The following SLC9A9 variants were observed in gnomAD, a reference collection of about 807,000 sequenced individuals.
SLC9A9 encodes the protein solute carrier family 9 member A9.
A neutral mutation model predicts 77.8 loss-of-function variants in SLC9A9; 62 were observed. The ratio of observed to expected loss-of-function variants is 0.80; its 90% CI spans 0.65 to 0.98. SLC9A9 has a LOEUF of 0.98. SLC9A9 is among the 50% of genes least tolerant of loss of function. The pLI, the probability that SLC9A9 is intolerant of heterozygous loss-of-function variation, is 0.00. For missense variants in SLC9A9, 775 were observed against 774.9 expected (o/e 1.00, Z 0.00); for synonymous variants, 320 against 283.5 (o/e 1.13, Z -1.29).
Position 143,783,229 on chromosome 3 carries a change from T to C in SLC9A9, c.533+11772A>G, listed in dbSNP as rs577991813. Among the ~76,000 whole-genome samples the C allele has an allele frequency of 1.4e-4, 22 of 152,200 alleles. No homozygotes were observed. In the Middle Eastern group the frequency reaches 0.01, roughly 71 times the overall value. On this transcript the variant is annotated intron_variant, in intron 4 of 15. Transcript: ENST00000316549. ...CAAACTGCAGAACACAGGTCTCAAGTACTGAGCTGTCATTGCCCTCCATTC... is the reference window on the plus strand; with the variant it reads ...CAAACTGCAGAACACAGGTCTCAAGCACTGAGCTGTCATTGCCCTCCATTC...
chr3:143,350,468 C>T (rs1330683995), intron 14 of SLC9A9, among the ~76,000 whole-genome samples: 1 of 152,180 alleles, frequency 6.6e-6, no homozygotes, highest in Non-Finnish European at 1.5e-5. Flanking sequence ...TCCGTGAACA[C>T]ATCTTGTTAG....
intron 14 of SLC9A9, among the ~76,000 whole-genome samples, chr3:143,270,957 A>G (rs1227686130): frequency 6.6e-6 from 1 of 152,234 alleles, no homozygotes; most frequent in Non-Finnish European, 1.5e-5. Flanking sequence ...TCCAGAAATA[A>G]TTCACAAGTT....
At chr3:143,700,761 T>C (rs1331202661) in intron 4 of SLC9A9, among the ~76,000 whole-genome samples, 2 of 152,228 alleles carry the variant, frequency 1.3e-5, no homozygotes, top group African/African-American at 2.4e-5. Context: ...AAGGGAAGGA[T>C]ACAAGACTGG....
chr3:143,760,911 T>G (rs2007098785), intron 4 of SLC9A9, among the ~76,000 whole-genome samples: 1 of 152,274 alleles, frequency 6.6e-6, no homozygotes, highest in African/African-American at 2.4e-5. Context: ...AGAACAAAGC[T>G]GGAGGCATCA....
chr3:143,292,867 G>C (rs997444965), intron 14 of SLC9A9, among the ~76,000 whole-genome samples: 6 of 152,184 alleles, frequency 3.9e-5, no homozygotes, highest in Non-Finnish European at 7.4e-5. Flanking sequence ...TGTTCTGGCT[G>C]TAGCGTAGGT....
intron 9 of SLC9A9, among the ~76,000 whole-genome samples, chr3:143,497,243 A>C (rs771129207): frequency 6.6e-6 from 1 of 152,282 alleles, no homozygotes; most frequent in Non-Finnish European, 1.5e-5. Context: ...ATTTTACCCT[A>C]GAGTGAACAT....
chr3:143,368,214 T>G (rs1350480419), intron 13 of SLC9A9, among the ~76,000 whole-genome samples: 1 of 152,166 alleles, frequency 6.6e-6, no homozygotes, highest in Non-Finnish European at 1.5e-5. Flanking sequence ...TAGTTTTCTT[T>G]TAGGTGATCC....
chr3:143,704,377 G>C (rs901492129), intron 4 of SLC9A9, among the ~76,000 whole-genome samples: 6 of 152,126 alleles, frequency 3.9e-5, no homozygotes, highest in Admixed American at 3.9e-4. Context: ...CATTCATCAT[G>C]ACGAAGTGGA....
intron 2 of SLC9A9, among the ~76,000 whole-genome samples, chr3:143,827,493 T>A (rs1409378813): frequency 6.6e-6 from 1 of 152,222 alleles, no homozygotes; most frequent in Non-Finnish European, 1.5e-5. Flanking sequence ...GAAATTTTTA[T>A]ATGTTTAAAC....
At chr3:143,666,738 C>T (rs1165980855) in intron 5 of SLC9A9, among the ~76,000 whole-genome samples, 1 of 152,158 alleles carries the variant, frequency 6.6e-6, no homozygotes, top group Non-Finnish European at 1.5e-5. Flanking sequence ...ACAACTGCTT[C>T]AAAGACAATA....
intron 4 of SLC9A9, among the ~76,000 whole-genome samples, chr3:143,705,945 C>T (rs2801): frequency 0.66 from 100,600 of 152,114 alleles, 33,596 homozygotes; most frequent in African/African-American, 0.69. Context: ...TAGTGGAAAG[C>T]GCTAAGTGTC....
At chr3:143,623,867 G>A (rs1162811239) in intron 6 of SLC9A9, among the ~76,000 whole-genome samples, 2 of 152,116 alleles carry the variant, frequency 1.3e-5, no homozygotes, top group Non-Finnish European at 2.9e-5. Context: ...CAGACCGCTA[G>A]TAAGACTAAT....
chr3:143,596,679 T>A (rs2037758304), intron 6 of SLC9A9, among the ~76,000 whole-genome samples: 1 of 152,158 alleles, frequency 6.6e-6, no homozygotes, highest in African/African-American at 2.4e-5. Flanking sequence ...TTCTTTTTTT[T>A]AAAGACAGGA....
intron 4 of SLC9A9, among the ~76,000 whole-genome samples, chr3:143,722,472 C>CAAAAAAAAAAAAA (rs60995925): frequency 8.6e-5 from 5 of 58,338 alleles, no homozygotes; most frequent in Admixed American, 2.8e-4. Context: ...GACTCCATCT[C>CAAAAAAAAAAAAA]AAAAAAAAAA....
chr3:143,751,363 C>A lies in SLC9A9; in HGVS notation c.533+43638G>T, dbSNP rs145920256. On this transcript the variant is annotated intron_variant, in intron 4 of 15. Transcript: ENST00000316549. ...TTGAAGATGTAGAATTTATTCCCCCCACTGCGGCAAAGAGGGCCCTTAGCT... is the reference window on the plus strand; with the variant it reads ...TTGAAGATGTAGAATTTATTCCCCCAACTGCGGCAAAGAGGGCCCTTAGCT... 2.9e-3 allele frequency among the ~76,000 whole-genome samples: 443 copies of A among 152,302 alleles called. 2 individuals are homozygous for A. Among genetic ancestry groups the A allele is most frequent in the Non-Finnish European group, 4.0e-3 (274 of 68,012 alleles).
chr3:143,294,574 A>G (rs1420147136), intron 14 of SLC9A9, among the ~76,000 whole-genome samples: 2 of 152,238 alleles, frequency 1.3e-5, no homozygotes, highest in Non-Finnish European at 2.9e-5. Flanking sequence ...ATGCAAGAAA[A>G]TACATTTATA....
At chr3:143,506,312 A>G (rs1358227637) in intron 9 of SLC9A9, among the ~76,000 whole-genome samples, 4 of 152,216 alleles carry the variant, frequency 2.6e-5, no homozygotes, top group South Asian at 2.1e-4. Context: ...CCTGGAACTG[A>G]ACATTGCCAA....
chr3:143,769,466 C>T (rs1045719494), intron 4 of SLC9A9, among the ~76,000 whole-genome samples: 1 of 152,026 alleles, frequency 6.6e-6, no homozygotes, highest in African/African-American at 2.4e-5. Flanking sequence ...TTCTTCTGTC[C>T]CTAAAGTATT....
chr3:143,415,656 A>C (rs1460889458), intron 12 of SLC9A9, among the ~76,000 whole-genome samples: 1 of 152,184 alleles, frequency 6.6e-6, no homozygotes, highest in Non-Finnish European at 1.5e-5. Flanking sequence ...CTAGTCACCT[A>C]AGAGCTCTGA....
Sources: gnomAD v4.1 joint callset for allele counts (sites outside exome capture counted in the v4.1 genomes callset) on GRCh38, gnomAD v4.1.1 for gene constraint, MANE v1.5 for transcripts, NCBI Gene and HGNC (gene_info 2026-07-23, HGNC 2026-07-21) for gene names.